The following FRMPD2 variants were observed in gnomAD, a reference collection of about 807,000 sequenced individuals.
FRMPD2 encodes the protein FERM and PDZ domain containing 2.
FRMPD2 carries 96 observed loss-of-function variants against 140.1 expected under a neutral mutation model. The observed-to-expected ratio is 0.69, with a 90% CI of 0.58 to 0.81. FRMPD2 has a LOEUF of 0.81. Ranked by LOEUF, FRMPD2 falls within the 40% of genes least tolerant of loss-of-function variation. The pLI is 0.00. For synonymous variants in FRMPD2, 449 were observed against 547.6 expected, an observed-to-expected ratio of 0.82 and a Z score of 2.52; for missense variants, 1,240 against 1,447.4, an observed-to-expected ratio of 0.86 and a Z score of 2.32.
intron 1 of FRMPD2, among the ~76,000 whole-genome samples, chr10:48,266,813 G>T (rs972816607): frequency 2.0e-4 from 31 of 152,210 alleles, no homozygotes; most frequent in African/African-American, 6.5e-4. Context: ...CCACGGGGGT[G>T]GTGCCAGGGA....
At chr10:48,257,866 C>T (rs1475454531) in intron 1 of FRMPD2, among the ~76,000 whole-genome samples, 1 of 152,218 alleles carries the variant, frequency 6.6e-6, no homozygotes, top group Non-Finnish European at 1.5e-5. Flanking sequence ...TCTGCTCCAA[C>T]CATCCAGAAA....
intron 10 of FRMPD2, among the ~76,000 whole-genome samples, chr10:48,230,962 C>T (rs1375218403): frequency 6.6e-6 from 1 of 152,054 alleles, no homozygotes; most frequent in Admixed American, 6.5e-5. Context: ...TGAAACAGAA[C>T]AATGAACTCC....
At chr10:48,174,118 G>A (rs1210422250) in intron 24 of FRMPD2, among the ~76,000 whole-genome samples, 2 of 152,206 alleles carry the variant, frequency 1.3e-5, no homozygotes, top group Admixed American at 1.3e-4. Flanking sequence ...ACCGCTTTGG[G>A]AAAGAAAGCG....
chr10:48,163,618 T>C lies in FRMPD2; in HGVS notation c.3591A>G (p.Ser1197=), dbSNP rs1838011441. The change falls in exon 28 of 29, where the codon TCA becomes TCG. Residue 1197 remains serine, a synonymous_variant. Coordinates refer to ENST00000374201, the MANE Select transcript of FRMPD2 (RefSeq NM_001018071.4). ...CTTGATCCAGGATGGGGCTGGTACA[T>C]GAGTCAGTACATGTTGCCCTGGTGA... ...KEFTRATCTD[S]CTSPILDQED... 1.8e-5 allele frequency: 24 copies of C among 1,310,106 alleles called. No individual in the cohort carries two copies. The East Asian group carries it at 5.3e-4, about 29-fold the overall frequency. 81.2% of individuals were successfully genotyped at this position (1,310,106 alleles called of 1,614,324 possible).
At position 48,192,865 on chromosome 10, in the gene FRMPD2, A is replaced by G. The variant is rs912169523; in HGVS notation, c.1984T>C (p.Leu662=). 1.2e-6 allele frequency: 2 copies of G among 1,614,008 alleles called. No individual in the cohort carries two copies. Among genetic ancestry groups the G allele is most frequent in the African/African-American group, 1.3e-5 (1 of 75,016 alleles). ...GACCGGGCCTGGTGTGCAGGACTCA[A>G]ATTGGCCATTTGCACAAACTTATCA... The part of the protein sequence containing the change: ...DHDKFVQMAN[L]SPAHQARSKP... The change falls in exon 16 of 29, where the codon TTG becomes CTG. Residue 662 remains leucine, a synonymous_variant. Transcript: ENST00000374201.
chr10:48,232,367 G>A, intron 9 of FRMPD2, 78 bp from the exon 10 acceptor site: 1 of 1,014,790 alleles, frequency 9.9e-7, no homozygotes, highest in South Asian at 1.6e-5. Context: ...ACTGTACTAA[G>A]CACTTTACAC....
intron 12 of FRMPD2, among the ~76,000 whole-genome samples, chr10:48,220,303 T>C (rs61840497): frequency 0.034 from 5,232 of 152,224 alleles, 112 homozygotes; most frequent in Non-Finnish European, 0.042. Flanking sequence ...AATCAATTGA[T>C]TTTTGACAAA....
intron 15 of FRMPD2, among the ~76,000 whole-genome samples, chr10:48,200,567 G>A (rs936343249): frequency 2.6e-5 from 4 of 152,104 alleles, no homozygotes; most frequent in Non-Finnish European, 4.4e-5. Context: ...TTTTTCCTTC[G>A]AATTCCTTTT....
intron 27 of FRMPD2, among the ~76,000 whole-genome samples, chr10:48,166,533 C>T (rs1275097066): frequency 8.1e-5 from 10 of 122,966 alleles, no homozygotes; most frequent in Admixed American, 7.9e-4. Context: ...TCCTCTGATC[C>T]CCAAGGCCCT....
chr10:48,161,481 G>A (rs2132386441), intron 28 of FRMPD2, among the ~76,000 whole-genome samples: 2 of 151,964 alleles, frequency 1.3e-5, no homozygotes, highest in Middle Eastern at 3.4e-3. Flanking sequence ...GGAAGATGTG[G>A]GAGCAAATCA....
At chr10:48,233,188 T>C (rs1388792460) in intron 9 of FRMPD2, among the ~76,000 whole-genome samples, 1 of 152,020 alleles carries the variant, frequency 6.6e-6, no homozygotes, top group Non-Finnish European at 1.5e-5. Context: ...ATGCCTGTGG[T>C]CATACCCTGA....
At chr10:48,187,315 T>A in intron 16 of FRMPD2, 23 bp from the exon 17 acceptor site, 2 of 1,606,356 alleles carry the variant, frequency 1.2e-6, no homozygotes, top group Non-Finnish European at 1.7e-6. Context: ...GAAAATGAGG[T>A]TAGATAAGGT....
intron 14 of FRMPD2, among the ~76,000 whole-genome samples, chr10:48,204,965 C>T (rs1171159159): frequency 6.6e-6 from 1 of 152,308 alleles, no homozygotes; most frequent in African/African-American, 2.4e-5. Flanking sequence ...ATTTCCTTTG[C>T]TGCTTTGGTG....
At chr10:48,245,814 T>G (rs1840234458) in intron 3 of FRMPD2, among the ~76,000 whole-genome samples, 1 of 152,130 alleles carries the variant, frequency 6.6e-6, no homozygotes, top group South Asian at 2.1e-4. Context: ...TCCCTTAAGA[T>G]CTCTCTTCTC....
intron 1 of FRMPD2, among the ~76,000 whole-genome samples, chr10:48,256,166 T>C (rs1360442790): frequency 1.3e-5 from 2 of 152,110 alleles, no homozygotes; most frequent in East Asian, 1.9e-4. Context: ...TCACCAGTCC[T>C]GTAAGTGGAG....
chr10:48,266,104 C>T (rs917546041), intron 1 of FRMPD2, among the ~76,000 whole-genome samples: 1 of 152,240 alleles, frequency 6.6e-6, no homozygotes, highest in Non-Finnish European at 1.5e-5. Context: ...CCTTAGCAAA[C>T]TAACACAGGA....
intron 3 of FRMPD2, 139 bp from the exon 4 acceptor site, chr10:48,244,988 C>T (rs1327584921): frequency 1.5e-6 from 1 of 648,154 alleles, no homozygotes; most frequent in Non-Finnish European, 2.7e-6. Flanking sequence ...CTCCCTTAAC[C>T]CTTGTTACCT....
chr10:48,190,875 C>A (rs767893548), intron 16 of FRMPD2, among the ~76,000 whole-genome samples: 12 of 152,234 alleles, frequency 7.9e-5, no homozygotes, highest in Admixed American at 2.0e-4. Context: ...AGAAAGGATG[C>A]TTTGCGGGCA....
chr10:48,261,889 G>C (rs1400141112), intron 1 of FRMPD2, among the ~76,000 whole-genome samples: 1 of 152,128 alleles, frequency 6.6e-6, no homozygotes, highest in Non-Finnish European at 1.5e-5. Context: ...TGAGCTATTT[G>C]AAAGTGGATT....
Sources: gnomAD v4.1 joint callset for allele counts (sites outside exome capture counted in the v4.1 genomes callset) on GRCh38, gnomAD v4.1.1 for gene constraint, MANE v1.5 for transcripts, NCBI Gene and HGNC (gene_info 2026-07-23, HGNC 2026-07-21) for gene names.